Variants in DNAAF11 observed in about 807,000 individuals in gnomAD.
DNAAF11 encodes the protein dynein axonemal assembly factor 11.
Under a neutral mutation model 60.8 loss-of-function variants are expected in DNAAF11, and 45 were observed. That is an observed-to-expected ratio of 0.74 (90% CI 0.58 to 0.95). DNAAF11 has a LOEUF of 0.95. DNAAF11 is among the 40% of genes least tolerant of loss of function. The pLI, the probability that DNAAF11 is intolerant of heterozygous loss-of-function variation, is 0.00. For synonymous variants in DNAAF11, 191 were observed against 183.5 expected, an observed-to-expected ratio of 1.04 and a Z score of -0.33; for missense variants, 546 against 546.2, an observed-to-expected ratio of 1.00 and a Z score of 0.00.
At chr8:132,689,999 A>C in the DNAAF11 span, among the ~76,000 whole-genome samples, 1 of 152,230 alleles carries the variant, frequency 6.6e-6, no homozygotes, top group Non-Finnish European at 1.5e-5. Flanking sequence ...TACAGGCATG[A>C]ACCACACACT....
chr8:132,630,541 A>G (rs1015520953), intron 5 of DNAAF11, among the ~76,000 whole-genome samples: 6 of 152,350 alleles, frequency 3.9e-5, no homozygotes, highest in Non-Finnish European at 8.8e-5. Context: ...GTTTAACTAC[A>G]TTAATATTTT....
At chr8:132,632,621 C>T (rs1468367030) in intron 5 of DNAAF11, 119 bp downstream of exon 5, 1 of 714,026 alleles carries the variant, frequency 1.4e-6, no homozygotes, top group African/African-American at 1.8e-5. Context: ...AAATTCACAT[C>T]ATATTTCATT....
Position 132,615,108 on chromosome 8 carries a change from C to A in DNAAF11, c.915-11G>T. 1.3e-6 allele frequency: 2 copies of A among 1,586,370 alleles called. No individual in the cohort carries two copies. ...AAAGAGAAGTCAATTCTAAGAATAACACATTTGGTGGGAAAAAAGAGATGT... is the reference window on the plus strand; with the variant it reads ...AAAGAGAAGTCAATTCTAAGAATAAAACATTTGGTGGGAAAAAAGAGATGT... On this transcript the variant is annotated splice_polypyrimidine_tract_variant and intron_variant, in intron 7 of 11. Coordinates refer to ENST00000620350, the MANE Select transcript of DNAAF11 (RefSeq NM_012472.6).
At chr8:132,583,163 G>A (rs937107539) in intron 11 of DNAAF11, among the ~76,000 whole-genome samples, 1 of 152,142 alleles carries the variant, frequency 6.6e-6, no homozygotes, top group Non-Finnish European at 1.5e-5. Flanking sequence ...CAACAGTCAG[G>A]AGATTGACAG....
At chr8:132,673,383 G>A (rs558330901) in intron 1 of DNAAF11, among the ~76,000 whole-genome samples, 2 of 152,274 alleles carry the variant, frequency 1.3e-5, no homozygotes, top group East Asian at 3.9e-4. Context: ...CTCATTGGAG[G>A]AGTGCTTGTC....
At chr8:132,633,056 C>T (rs535242932) in intron 4 of DNAAF11, 93 bp from the exon 5 acceptor site, 162 of 695,954 alleles carry the variant, frequency 2.3e-4, no homozygotes, top group African/African-American at 1.8e-3. Flanking sequence ...ATAATATACC[C>T]GATAGTGATA....
At chr8:132,576,255 TTC>T (rs959799510) in intron 11 of DNAAF11, among the ~76,000 whole-genome samples, 1 of 152,204 alleles carries the variant, frequency 6.6e-6, no homozygotes, top group Non-Finnish European at 1.5e-5. Flanking sequence ...ATAATTTACC[TTC>T]TCTTTCATTG....
In DNAAF11 at chr8:132,642,627, A is replaced by C. The variant is rs930324897; in HGVS notation, c.257-4520T>G. The stretch of plus-strand genomic sequence containing the variant: ...CCCTAAGCCACCTGGAGAATCGTAA[A>C]GGCAGTGAGAGAGAACAAAATCTGC... On this transcript the variant is annotated intron_variant, in intron 3 of 11. Coordinates refer to ENST00000620350, the MANE Select transcript of DNAAF11 (RefSeq NM_012472.6). 3.3e-5 allele frequency among the ~76,000 whole-genome samples: 5 copies of C among 152,354 alleles called. No individual in the cohort carries two copies. In the East Asian group the frequency reaches 9.6e-4, roughly 29 times the overall value.
intron 5 of DNAAF11, 25 bp downstream of exon 5, chr8:132,632,714 AG>A (rs1198769696): frequency 1.3e-6 from 2 of 1,518,412 alleles, no homozygotes; most frequent in Non-Finnish European, 1.8e-6. Flanking sequence ...AAAGTTAACT[AG>A]AAAGTAAACT....
At chr8:132,701,179 A>C in the DNAAF11 span, among the ~76,000 whole-genome samples, 2 of 152,216 alleles carry the variant, frequency 1.3e-5, no homozygotes, top group Admixed American at 1.3e-4. Context: ...TTACATTTTA[A>C]CATGAGTTTT....
the DNAAF11 span, among the ~76,000 whole-genome samples, chr8:132,684,276 TG>T: frequency 6.6e-6 from 1 of 152,184 alleles, no homozygotes; most frequent in Admixed American, 6.5e-5. Context: ...AGAAAAAGGA[TG>T]TAGATTAAAT....
At chr8:132,579,889 C>T (rs1201352442) in intron 11 of DNAAF11, among the ~76,000 whole-genome samples, 1 of 151,962 alleles carries the variant, frequency 6.6e-6, no homozygotes, top group Non-Finnish European at 1.5e-5. Flanking sequence ...CCCAGCTACT[C>T]AGGGGGCTGA....
the DNAAF11 span, among the ~76,000 whole-genome samples, chr8:132,695,372 T>C: frequency 6.6e-6 from 1 of 151,886 alleles, no homozygotes; most frequent in African/African-American, 2.4e-5. Flanking sequence ...TTTTTATAAG[T>C]AGATAAGAGA....
the DNAAF11 span, among the ~76,000 whole-genome samples, chr8:132,696,495 G>T: frequency 6.6e-6 from 1 of 152,170 alleles, no homozygotes; most frequent in Non-Finnish European, 1.5e-5. Flanking sequence ...CATAACCAAA[G>T]GGTAGAAACA....
intron 1 of DNAAF11, chr8:132,675,272 A>T (rs1181142358): frequency 2.2e-5 from 11 of 501,724 alleles, no homozygotes; most frequent in Middle Eastern, 4.8e-4. Context: ...CAGATTAGGA[A>T]CCTGAGCTGG....
chr8:132,672,506 G>C (rs893418653), intron 1 of DNAAF11, among the ~76,000 whole-genome samples: 1 of 152,110 alleles, frequency 6.6e-6, no homozygotes, highest in Non-Finnish European at 1.5e-5. Context: ...ATACACAAGA[G>C]TGCGGGCTCT....
chr8:132,631,475 A>T (rs1274247247), intron 5 of DNAAF11, among the ~76,000 whole-genome samples: 1 of 152,234 alleles, frequency 6.6e-6, no homozygotes, highest in African/African-American at 2.4e-5. Context: ...GTAAATCTCA[A>T]AAACATAATG....
chr8:132,599,432 G>A (rs1057122307), intron 10 of DNAAF11, among the ~76,000 whole-genome samples: 1 of 152,150 alleles, frequency 6.6e-6, no homozygotes, highest in African/African-American at 2.4e-5. Context: ...TATGAGGCCA[G>A]CATCATCCTG....
At chr8:132,685,193 G>A in the DNAAF11 span, 1 of 152,176 alleles carries the variant, frequency 6.6e-6, no homozygotes, top group Non-Finnish European at 1.5e-5. Context: ...GCTTTATTCA[G>A]TTTTAGTGTT....
Sources: gnomAD v4.1 joint callset for allele counts (sites outside exome capture counted in the v4.1 genomes callset) on GRCh38, gnomAD v4.1.1 for gene constraint, MANE v1.5 for transcripts, NCBI Gene and HGNC (gene_info 2026-07-23, HGNC 2026-07-21) for gene names.